ZBTB20: variants seen among roughly 807,000 people sequenced by gnomAD.
ZBTB20 encodes zinc finger and BTB domain containing 20, also known as zinc finger and BTB domain-containing protein 20.
ZBTB20 carries 9 observed loss-of-function variants against 56.9 expected under a neutral mutation model. That is an observed-to-expected ratio of 0.16 (90% confidence interval 0.10 to 0.28). The LOEUF (loss-of-function observed/expected upper bound fraction) is 0.28, where lower values mean the gene tolerates loss of function less well. ZBTB20 is among the 10% of genes least tolerant of loss of function. The pLI is 1.00. For synonymous variants in ZBTB20, 417 were observed against 420.7 expected, an observed-to-expected ratio of 0.99 and a Z score of 0.11; for missense variants, 655 against 1,003.0, an observed-to-expected ratio of 0.65 and a Z score of 4.69.
chr3:114,643,017 A>G (rs1482014818), intron 6 of ZBTB20, among the ~76,000 whole-genome samples: 1 of 152,100 alleles, frequency 6.6e-6, no homozygotes, highest in Non-Finnish European at 1.5e-5. Flanking sequence ...TAAGCTACAC[A>G]TCTTAGCTTG....
chr3:114,790,522 A>G (rs926373863), intron 5 of ZBTB20, among the ~76,000 whole-genome samples: 1 of 152,142 alleles, frequency 6.6e-6, no homozygotes, highest in Admixed American at 6.6e-5. Flanking sequence ...ATTATCTTCA[A>G]TAACATGGAT....
At chr3:114,370,806 G>A (rs7626635) in intron 10 of ZBTB20, among the ~76,000 whole-genome samples, 3 of 151,868 alleles carry the variant, frequency 2.0e-5, no homozygotes, top group African/African-American at 4.8e-5. Flanking sequence ...GCTCATACTC[G>A]GCACTATATA....
chr3:114,628,372 A>G (rs1361558504), intron 6 of ZBTB20, among the ~76,000 whole-genome samples: 3 of 152,154 alleles, frequency 2.0e-5, no homozygotes, highest in Non-Finnish European at 4.4e-5. Flanking sequence ...GGCATGGAGG[A>G]AGCCAGCCAT....
At chr3:114,402,450 C>T (rs2086906272) in intron 7 of ZBTB20, among the ~76,000 whole-genome samples, 1 of 152,132 alleles carries the variant, frequency 6.6e-6, no homozygotes, top group African/African-American at 2.4e-5. Flanking sequence ...TTCCTATCTG[C>T]AAATCTGGCT....
intron 6 of ZBTB20, among the ~76,000 whole-genome samples, chr3:114,691,474 G>T (rs535136953): frequency 6.6e-6 from 1 of 152,056 alleles, no homozygotes; most frequent in South Asian, 2.1e-4. Flanking sequence ...AACATATACT[G>T]ATTTGAACTT....
chr3:114,980,800 C>T (rs2078295241), intron 2 of ZBTB20, among the ~76,000 whole-genome samples: 1 of 151,902 alleles, frequency 6.6e-6, no homozygotes, highest in Non-Finnish European at 1.5e-5. Context: ...TTTTCACCAG[C>T]GTAGCTAATC....
chr3:114,834,772 T>TCACGCTCCTGAGA (rs2074037055), intron 4 of ZBTB20, among the ~76,000 whole-genome samples: 1 of 152,108 alleles, frequency 6.6e-6, no homozygotes, highest in African/African-American at 2.4e-5. Flanking sequence ...AGTCCCGTTC[T>TCACGCTCCTGAGA]TTGTCTGAAG....
intron 2 of ZBTB20, among the ~76,000 whole-genome samples, chr3:115,046,121 T>G (rs978086107): frequency 4.6e-5 from 7 of 152,294 alleles, no homozygotes; most frequent in Non-Finnish European, 8.8e-5. Context: ...GAATTCGAGA[T>G]GGCTCTGTCA....
At position 114,977,066 on chromosome 3, in the gene ZBTB20, T is replaced by C. The variant is rs1249497978; in HGVS notation, c.-506-2650A>G. Among the ~76,000 whole-genome samples the C allele has an allele frequency of 1.3e-5, 2 of 151,814 alleles. 1 individual carries two copies. The highest frequency in any genetic ancestry group is 3.9e-4 in the East Asian group (2 of 5,178). On this transcript the variant is annotated intron_variant, in intron 2 of 11. Coordinates refer to ENST00000675478, the MANE Select transcript of ZBTB20 (RefSeq NM_001348800.3). ...TTAAATGGCTAGGGCCAAGAAGTCATAGATAACAAAAGAATAAGAAAGAAT... is the reference window on the plus strand; with the variant it reads ...TTAAATGGCTAGGGCCAAGAAGTCACAGATAACAAAAGAATAAGAAAGAAT...
At chr3:114,683,467 C>T (rs2062108569) in intron 6 of ZBTB20, among the ~76,000 whole-genome samples, 1 of 152,104 alleles carries the variant, frequency 6.6e-6, no homozygotes, top group African/African-American at 2.4e-5. Flanking sequence ...GTACCTGGCT[C>T]ATTTTAGGTT....
At chr3:114,677,648 A>G (rs904007422) in intron 6 of ZBTB20, among the ~76,000 whole-genome samples, 1 of 152,176 alleles carries the variant, frequency 6.6e-6, no homozygotes, top group Non-Finnish European at 1.5e-5. Flanking sequence ...GGCCCAGACA[A>G]TATCACTCAT....
At chr3:114,503,883 G>C (rs1368490356) in intron 6 of ZBTB20, among the ~76,000 whole-genome samples, 1 of 152,132 alleles carries the variant, frequency 6.6e-6, no homozygotes, top group Non-Finnish European at 1.5e-5. Context: ...TTCTACAGCA[G>C]TGGTTTTCAA....
intron 5 of ZBTB20, among the ~76,000 whole-genome samples, chr3:114,778,510 T>C (rs1009555202): frequency 7.2e-5 from 11 of 152,216 alleles, no homozygotes; most frequent in South Asian, 4.1e-4. Flanking sequence ...AAAATACACC[T>C]GAACTCTATG....
At chr3:114,720,303 C>T (rs2064826935) in intron 5 of ZBTB20, among the ~76,000 whole-genome samples, 1 of 150,880 alleles carries the variant, frequency 6.6e-6, no homozygotes, top group South Asian at 2.1e-4. Flanking sequence ...GATGACACCT[C>T]GTACTTGTAA....
chr3:114,833,212 A>C (rs1676751419), intron 4 of ZBTB20, among the ~76,000 whole-genome samples: 2 of 152,124 alleles, frequency 1.3e-5, no homozygotes, highest in African/African-American at 2.4e-5. Context: ...ATTACAGTAC[A>C]ACTCAGGTTG....
chr3:114,731,443 A>G (rs764055964), intron 5 of ZBTB20, among the ~76,000 whole-genome samples: 32 of 152,156 alleles, frequency 2.1e-4, no homozygotes, highest in Non-Finnish European at 3.8e-4. Context: ...TTGGAATTCG[A>G]TTACTTCATT....
chr3:115,081,887 C>A (rs1461645054), intron 1 of ZBTB20, among the ~76,000 whole-genome samples: 1 of 152,164 alleles, frequency 6.6e-6, no homozygotes, highest in Non-Finnish European at 1.5e-5. Context: ...AATACACCAT[C>A]ACTGACTGGC....
rs904083290 is a variant in ZBTB20 at position 114,833,539 on chromosome 3, A to AT, written c.-416-32366dup. Reference sequence around the variant, plus strand: ...AACAAGAGAATTTTTTTTATTGTTTATTTTTTTTTAGATATGGTTTCACTC... The same window carrying AT: ...AACAAGAGAATTTTTTTTATTGTTTATTTTTTTTTTAGATATGGTTTCACTC... On this transcript the variant is annotated intron_variant, in intron 4 of 11. Transcript: ENST00000675478. Among the ~76,000 whole-genome samples the AT allele has an allele frequency of 6.7e-5, 10 of 150,302 alleles. No individual in the cohort carries two copies. In the South Asian group the frequency reaches 1.1e-3, roughly 16 times the overall value.
At chr3:114,627,130 C>T (rs1233508902) in intron 6 of ZBTB20, among the ~76,000 whole-genome samples, 3 of 152,186 alleles carry the variant, frequency 2.0e-5, no homozygotes, top group Admixed American at 6.5e-5. Flanking sequence ...CACTCCTAAG[C>T]CCTCTCTTGT....
Sources: gnomAD v4.1 joint callset for allele counts (sites outside exome capture counted in the v4.1 genomes callset) on GRCh38, gnomAD v4.1.1 for gene constraint, MANE v1.5 for transcripts, NCBI Gene and HGNC (gene_info 2026-07-23, HGNC 2026-07-21) for gene names.